The following HIGD1C variants were observed in gnomAD, a reference collection of about 807,000 sequenced individuals.
HIGD1C encodes HIG1 domain family member 1C.
HIGD1C carries 11 observed loss-of-function variants against 13.1 expected under a neutral mutation model. The observed-to-expected ratio is 0.84, with a 90% CI of 0.53 to 1.39. The LOEUF is 1.39. Ranked by LOEUF, HIGD1C falls within the 40% of genes most tolerant of loss-of-function variation. The pLI is 0.00. For missense variants in HIGD1C, 110 were observed against 112.0 expected, an observed-to-expected ratio of 0.98 and a Z score of 0.08; for synonymous variants, 36 against 37.7, an observed-to-expected ratio of 0.95 and a Z score of 0.17.
chr12:50,968,669 G>A (rs1939641293), intron 2 of HIGD1C, among the ~76,000 whole-genome samples: 3 of 152,048 alleles, frequency 2.0e-5, no homozygotes, highest in East Asian at 3.9e-4. Context: ...TGCCTCCTGA[G>A]TAGCTGGGAT....
At chr12:50,943,555 A>C in the HIGD1C span, among the ~76,000 whole-genome samples, 1 of 152,022 alleles carries the variant, frequency 6.6e-6, no homozygotes, top group Non-Finnish European at 1.5e-5. Context: ...CTAAAAATAC[A>C]AAAAATTAGC....
At chr12:50,949,362 C>T (rs1189225135), upstream of HIGD1C, 2 of 152,084 alleles carry the variant, frequency 1.3e-5, no homozygotes, top group Non-Finnish European at 2.9e-5. Flanking sequence ...CTAAAGGGGT[C>T]CCTTCTGGAC....
At chr12:50,949,104 T>G (rs1473231520), upstream of HIGD1C, 1 of 151,444 alleles carries the variant, frequency 6.6e-6, no homozygotes, top group African/African-American at 2.4e-5. Flanking sequence ...GAAGAAAAGA[T>G]CCCTAGAATG....
At chr12:50,955,818 T>C (rs960070518) in intron 1 of HIGD1C, among the ~76,000 whole-genome samples, 3 of 152,158 alleles carry the variant, frequency 2.0e-5, no homozygotes, top group Non-Finnish European at 4.4e-5. Flanking sequence ...ATCACTATAA[T>C]GAACAGAAAT....
chr12:50,950,221 G>A (rs1284360695), upstream of HIGD1C, among the ~76,000 whole-genome samples: 1 of 152,162 alleles, frequency 6.6e-6, no homozygotes, highest in Non-Finnish European at 1.5e-5. Context: ...TAACCTAGAT[G>A]AGGATCAAAC....
intron 1 of HIGD1C, among the ~76,000 whole-genome samples, chr12:50,956,030 A>C (rs1198753465): frequency 4.6e-5 from 7 of 152,246 alleles, no homozygotes; most frequent in African/African-American, 1.7e-4. Flanking sequence ...AAACCAATTT[A>C]AGTAAGAACA....
chr12:50,960,880 A>T (rs940029013), intron 1 of HIGD1C, 88 bp from the exon 4 acceptor site: 1 of 1,152,472 alleles, frequency 8.7e-7, no homozygotes. Flanking sequence ...GGGTCTTGCT[A>T]TGTTGCCCAG....
intron 2 of HIGD1C, among the ~76,000 whole-genome samples, chr12:50,963,311 A>G (rs1939410823): frequency 6.9e-6 from 1 of 145,824 alleles, no homozygotes. Context: ...CGGAGGCTGC[A>G]GTGAACCAAA....
At chr12:50,962,156 C>A (rs4768943) in intron 2 of HIGD1C, among the ~76,000 whole-genome samples, 27,774 of 151,948 alleles carry the variant, frequency 0.18, 2,885 homozygotes, top group East Asian at 0.5. Flanking sequence ...GATGCCGAGG[C>A]GGGCAGATCA....
chr12:50,959,872 ACTC>A (rs1443078707), intron 1 of HIGD1C, among the ~76,000 whole-genome samples: 1 of 148,108 alleles, frequency 6.8e-6, no homozygotes, highest in Non-Finnish European at 1.5e-5. Context: ...CTGGTCTTGA[ACTC>A]CTGACCTCAA....
chr12:50,951,164 GA>G (rs1049157322), upstream of HIGD1C, among the ~76,000 whole-genome samples: 1 of 151,254 alleles, frequency 6.6e-6, no homozygotes, highest in Admixed American at 6.6e-5. Context: ...TTAAAAGGGA[GA>G]AAAAAAAGTA....
intron 2 of HIGD1C, among the ~76,000 whole-genome samples, chr12:50,963,431 C>T (rs1244201809): frequency 6.7e-6 from 1 of 149,696 alleles, no homozygotes; most frequent in Middle Eastern, 3.2e-3. Flanking sequence ...AAGGAAAATC[C>T]AGAACCTGCA....
intron 2 of HIGD1C, among the ~76,000 whole-genome samples, chr12:50,966,543 A>G (rs1341307797): frequency 3.3e-5 from 5 of 152,180 alleles, no homozygotes; most frequent in Admixed American, 2.6e-4. Flanking sequence ...AACCAAAAAC[A>G]TCTCCAGACA....
downstream of HIGD1C, among the ~76,000 whole-genome samples, chr12:50,971,907 A>G (rs906667945): frequency 6.6e-6 from 1 of 152,210 alleles, no homozygotes; most frequent in East Asian, 1.9e-4. Context: ...TATTATATAC[A>G]TTTTTCCCCA....
intron 1 of HIGD1C, among the ~76,000 whole-genome samples, chr12:50,955,392 C>T (rs1485575327): frequency 6.6e-6 from 1 of 152,160 alleles, no homozygotes; most frequent in Non-Finnish European, 1.5e-5. Flanking sequence ...TTAAAAAACC[C>T]CACAAAACCT....
At chr12:50,949,774 T>C (rs1938857248), upstream of HIGD1C, among the ~76,000 whole-genome samples, 1 of 152,028 alleles carries the variant, frequency 6.6e-6, no homozygotes, top group South Asian at 2.1e-4. Flanking sequence ...CCTCAAGTGA[T>C]TGGCCTGCCT....
At chr12:50,955,713 C>T (rs1044700740) in intron 1 of HIGD1C, among the ~76,000 whole-genome samples, 11 of 152,040 alleles carry the variant, frequency 7.2e-5, no homozygotes, top group African/African-American at 2.2e-4. Context: ...TATAATAGCA[C>T]CCATAAGAAA....
At chr12:50,940,253 C>T in the HIGD1C span, among the ~76,000 whole-genome samples, 1 of 152,138 alleles carries the variant, frequency 6.6e-6, no homozygotes, top group Non-Finnish European at 1.5e-5. Context: ...CCCATCTTAT[C>T]TGTCAAGCTA....
the HIGD1C span, among the ~76,000 whole-genome samples, chr12:50,941,316 A>G: frequency 1.3e-5 from 2 of 152,202 alleles, no homozygotes; most frequent in Non-Finnish European, 2.9e-5. Flanking sequence ...GGGAGGAAAC[A>G]TTGGAGAAAG....
Sources: gnomAD v4.1 joint callset for allele counts (sites outside exome capture counted in the v4.1 genomes callset) on GRCh38, gnomAD v4.1.1 for gene constraint, MANE v1.5 for transcripts, NCBI Gene and HGNC (gene_info 2026-07-23, HGNC 2026-07-21) for gene names.